Variants in CEP112 observed in about 807,000 individuals in gnomAD.
CEP112 encodes centrosomal protein 112.
CEP112 carries 127 observed loss-of-function variants against 153.0 expected under a neutral mutation model. The ratio of observed to expected loss-of-function variants is 0.83; its 90% CI spans 0.72 to 0.96. The LOEUF is 0.96. CEP112 is among the 40% of genes least tolerant of loss of function. CEP112 has a pLI of 0.00. For synonymous variants in CEP112, 358 were observed against 374.4 expected, an observed-to-expected ratio of 0.96 and a Z score of 0.51; for missense variants, 1,089 against 1,101.2, an observed-to-expected ratio of 0.99 and a Z score of 0.16.
chr17:65,642,780 G>C (rs1464810176), intron 24 of CEP112, among the ~76,000 whole-genome samples: 2 of 152,082 alleles, frequency 1.3e-5, no homozygotes, highest in Non-Finnish European at 2.9e-5. Flanking sequence ...CCAGACCTCA[G>C]GGTAACATTT....
At chr17:65,809,225 G>A (rs2055802546) in intron 21 of CEP112, among the ~76,000 whole-genome samples, 1 of 152,182 alleles carries the variant, frequency 6.6e-6, no homozygotes, top group Non-Finnish European at 1.5e-5. Context: ...CAAAAGGCAG[G>A]AAAACCACAT....
chr17:65,698,567 C>G (rs1022703840), intron 23 of CEP112, among the ~76,000 whole-genome samples: 1 of 152,150 alleles, frequency 6.6e-6, no homozygotes, highest in Admixed American at 6.5e-5. Context: ...TAACGCACCT[C>G]ATTCATGTTT....
chr17:66,089,580 GA>G (rs1309392296), intron 8 of CEP112, among the ~76,000 whole-genome samples: 1 of 151,720 alleles, frequency 6.6e-6, no homozygotes, highest in Admixed American at 6.6e-5. Flanking sequence ...TCAAGCAAAA[GA>G]AAAAATTCAG....
In CEP112 at chr17:65,923,707, C is replaced by G. The variant is rs572896326; in HGVS notation, c.1980+3875G>C. Among the ~76,000 whole-genome samples, 3 of 152,168 alleles carry G rather than the reference C, an allele frequency of 2.0e-5. No individual in the cohort carries two copies. The South Asian group carries it at 6.2e-4, about 32-fold the overall frequency. On this transcript the variant is annotated intron_variant, in intron 19 of 26. Transcript: ENST00000535342. ...TTTATTTAGAGCATACAATGAAAGTCTCAGTTCATCATAACCCTAACCCAT... is the reference window on the plus strand; with the variant it reads ...TTTATTTAGAGCATACAATGAAAGTGTCAGTTCATCATAACCCTAACCCAT...
intron 21 of CEP112, among the ~76,000 whole-genome samples, chr17:65,763,090 G>A (rs1368883176): frequency 2.0e-5 from 3 of 151,928 alleles, no homozygotes; most frequent in East Asian, 1.9e-4. Flanking sequence ...TTCTAGATTC[G>A]TAGAGGTGTT....
At chr17:65,741,874 TG>T (rs2051158739) in intron 23 of CEP112, among the ~76,000 whole-genome samples, 1 of 150,112 alleles carries the variant, frequency 6.7e-6, no homozygotes, top group Non-Finnish European at 1.5e-5. Context: ...CATTTGTAAA[TG>T]AAAAAAACTT....
At chr17:66,099,903 G>A (rs1339646569) in intron 6 of CEP112, among the ~76,000 whole-genome samples, 1 of 152,052 alleles carries the variant, frequency 6.6e-6, no homozygotes, top group Non-Finnish European at 1.5e-5. Context: ...AAAATAGGAC[G>A]CTCTCCTACA....
intron 21 of CEP112, among the ~76,000 whole-genome samples, chr17:65,816,010 G>C (rs1366295537): frequency 6.6e-6 from 1 of 151,892 alleles, no homozygotes; most frequent in African/African-American, 2.4e-5. Flanking sequence ...ACGACCTCCA[G>C]TATAAAGTGA....
At chr17:65,718,231 C>A (rs975376712) in intron 23 of CEP112, among the ~76,000 whole-genome samples, 1 of 151,892 alleles carries the variant, frequency 6.6e-6, no homozygotes, top group African/African-American at 2.4e-5. Context: ...CATGGTGAAA[C>A]CCCGTCTCTA....
At chr17:65,939,536 A>C (rs1469651643) in intron 18 of CEP112, among the ~76,000 whole-genome samples, 1 of 152,224 alleles carries the variant, frequency 6.6e-6, no homozygotes, top group East Asian at 1.9e-4. Flanking sequence ...TATAGGCACA[A>C]GAGCTGATAC....
At position 66,005,908 on chromosome 17, in the gene CEP112, G is replaced by A. The variant is rs939453613; in HGVS notation, c.1657-139C>T. 19 of 716,244 alleles carry A rather than the reference G, an allele frequency of 2.7e-5. No homozygotes were observed. The East Asian group carries it at 3.9e-4, about 15-fold the overall frequency. The allele number at this position is 716,244 out of a possible 1,614,324, so 44.4% of individuals were successfully genotyped here. ...TTAGATATTTCAAGATAGAAACTTG[G>A]TCTACCATAGAATGATTTCAATACT... On this transcript the variant is annotated intron_variant, in intron 16 of 26. Coordinates refer to ENST00000535342, the MANE Select transcript of CEP112 (RefSeq NM_001199165.4).
intron 4 of CEP112, among the ~76,000 whole-genome samples, chr17:66,149,132 T>A (rs1476587087): frequency 6.6e-6 from 1 of 152,228 alleles, no homozygotes; most frequent in Non-Finnish European, 1.5e-5. Flanking sequence ...ATGTAGTATA[T>A]CACATTTACT....
At chr17:66,179,468 T>G (rs2072625002) in intron 2 of CEP112, among the ~76,000 whole-genome samples, 1 of 152,144 alleles carries the variant, frequency 6.6e-6, no homozygotes, top group Non-Finnish European at 1.5e-5. Flanking sequence ...TGAGATTACT[T>G]TCTTGATTTC....
At chr17:65,913,690 A>G (rs1293929005) in intron 19 of CEP112, 10 of 985,422 alleles carry the variant, frequency 1.0e-5, no homozygotes, top group East Asian at 1.1e-4. Context: ...CTGCCAGCAT[A>G]CACTGCTTCT....
intron 19 of CEP112, among the ~76,000 whole-genome samples, chr17:65,916,026 C>G (rs1009051385): frequency 1.3e-5 from 2 of 152,108 alleles, no homozygotes; most frequent in Non-Finnish European, 2.9e-5. Flanking sequence ...TCTTTCCTTA[C>G]CTCAGGTTTT....
chr17:65,643,560 C>T (rs2045266697), intron 24 of CEP112, among the ~76,000 whole-genome samples: 1 of 152,108 alleles, frequency 6.6e-6, no homozygotes, highest in Non-Finnish European at 1.5e-5. Context: ...CTCGGCCTCC[C>T]AAAGTGTTGG....
chr17:65,644,436 T>C (rs532896183), intron 24 of CEP112: 7 of 470,978 alleles, frequency 1.5e-5, no homozygotes, highest in Admixed American at 1.4e-4. Context: ...TCGGTTGCAT[T>C]TATAATGCAG....
At chr17:65,640,300 C>A (rs552546262) in intron 25 of CEP112, among the ~76,000 whole-genome samples, 2 of 150,972 alleles carry the variant, frequency 1.3e-5, no homozygotes, top group Non-Finnish European at 2.9e-5. Flanking sequence ...ATTACAGGCA[C>A]GGGCCACCAC....
At chr17:66,120,341 C>T (rs968033161) in intron 6 of CEP112, among the ~76,000 whole-genome samples, 2 of 152,078 alleles carry the variant, frequency 1.3e-5, no homozygotes, top group Admixed American at 1.3e-4. Context: ...GCTAGGACTA[C>T]AGGCACATGC....
Sources: allele counts gnomAD v4.1 joint callset (sites outside exome capture counted in the v4.1 genomes callset), GRCh38; gene constraint gnomAD v4.1.1; transcripts MANE v1.5; gene names NCBI Gene and HGNC (gene_info 2026-07-23, HGNC 2026-07-21).